The following XRCC3 variants were observed in gnomAD, a reference collection of about 807,000 sequenced individuals.
The protein encoded by XRCC3 is DNA repair protein XRCC3.
Under a neutral mutation model 29.2 loss-of-function variants are expected in XRCC3, and 34 were observed. The observed-to-expected ratio is 1.16, with a 90% CI of 0.88 to 1.55. The LOEUF is 1.55. XRCC3 is among the 40% of genes most tolerant of loss of function. The probability of loss-of-function intolerance (pLI) is 0.00; values close to 1 mark genes in which losing one functional copy is unlikely to be tolerated. For synonymous variants in XRCC3, 223 were observed against 211.3 expected (o/e 1.06, Z -0.48); for missense variants, 463 against 467.6 (o/e 0.99, Z 0.09).
At chr14:103,707,583 G>A in intron 5 of XRCC3, 2 of 392,222 alleles carry the variant, frequency 5.1e-6, no homozygotes, top group Non-Finnish European at 9.7e-6. Flanking sequence ...ATGCCCTGGG[G>A]TGCTGAACAG....
intron 5 of XRCC3, chr14:103,707,806 T>TGGCCTGG (rs1319431436): frequency 1.6e-5 from 3 of 188,932 alleles, no homozygotes; most frequent in Non-Finnish European, 3.3e-5. Flanking sequence ...GCTGCGCTCT[T>TGGCCTGG]GGCCTGGGGC....
At chr14:103,701,427 A>G (rs2083187551) in intron 7 of XRCC3, 1 of 470,970 alleles carries the variant, frequency 2.1e-6, no homozygotes, top group Non-Finnish European at 3.8e-6. Flanking sequence ...GGTCTCTCCC[A>G]GGAGACCTGG....
chr14:103,698,959 C>T lies in XRCC3; in HGVS notation c.880G>A (p.Val294Met), dbSNP rs1214132325. 1 of 1,601,004 alleles carries T rather than the reference C, an allele frequency of 6.2e-7. No individual in the cohort carries two copies. The highest frequency in any genetic ancestry group is 8.5e-7 in the Non-Finnish European group (1 of 1,173,996). The change falls in exon 10 of 10, where the codon GTG (valine) becomes ATG (methionine). Residue 294 changes from valine to methionine, a missense_variant. Val to Met is a conservative substitution (Grantham distance 21). Transcript: ENST00000555055. The stretch of plus-strand genomic sequence containing the variant: ...CGGAGCCGGTCAGCCAGCAGTCTCA[C>T]CAGGAGCTGGTTAGCCCAGGTTATG... ...LGITWANQLL[V>M]RLLADRLREE...
rs144660634 is a variant in XRCC3 at position 103,698,296 on chromosome 14, C to T, written c.*502G>A. On this transcript the variant is annotated 3_prime_UTR_variant, in exon 10 of 10. Transcript: ENST00000555055. Reference sequence around the variant, plus strand: ...GACCCAGAGGTGGGTGAGGAGGAGCCGCCTGCCTGCAGCCCCACTGTGGCC... The same window carrying T: ...GACCCAGAGGTGGGTGAGGAGGAGCTGCCTGCCTGCAGCCCCACTGTGGCC... 1.1e-4 allele frequency: 20 copies of T among 177,676 alleles called. No individual in the cohort carries two copies. The highest frequency in any genetic ancestry group is 1.8e-4 in the Non-Finnish European group (15 of 83,216). 11.0% of individuals were successfully genotyped at this position (177,676 alleles called of 1,614,324 possible). A position where few individuals can be genotyped will look rare whatever the true frequency, so the allele number is the denominator to read the frequency against.
intron 7 of XRCC3, 51 bp from the exon 8 acceptor site, chr14:103,699,627 G>A: frequency 6.3e-7 from 1 of 1,593,516 alleles, no homozygotes; most frequent in Non-Finnish European, 8.6e-7. Context: ...CCCCGCCCCA[G>A]GTGACCAGAC....
chr14:103,705,307 A>C (rs1406763597), intron 6 of XRCC3: 1 of 152,568 alleles, frequency 6.6e-6, no homozygotes, highest in Non-Finnish European at 1.5e-5. Flanking sequence ...CTGGGCTGGA[A>C]GGCTCGGAAG....
At chr14:103,708,780 A>G in intron 4 of XRCC3, 121 bp from the exon 5 acceptor site, 1 of 1,357,464 alleles carries the variant, frequency 7.4e-7, no homozygotes, top group South Asian at 1.2e-5. Flanking sequence ...TTCTGGGGAC[A>G]AGGTGGGTAG....
Position 103,699,013 on chromosome 14 carries a change from A to T in XRCC3, c.826T>A (p.Trp276Arg), listed in dbSNP as rs1345696802. 1.3e-6 allele frequency: 2 copies of T among 1,584,678 alleles called. No individual in the cohort carries two copies. Among genetic ancestry groups the T allele is most frequent in the Non-Finnish European group, 1.7e-6 (2 of 1,165,340 alleles). Residue 276 changes from tryptophan (W) to arginine (R), a missense_variant, in exon 10 of 10, where the codon TGG (tryptophan) becomes AGG (arginine). Physicochemically the swap from Trp to Arg is moderately radical, Grantham distance 101. Coordinates refer to ENST00000555055, the MANE Select transcript of XRCC3 (RefSeq NM_005432.4). ...AGGGCTGGGGAAACACGTTCGTCCC[A>T]GAACCTGAGAAACAGGAAGCAGGCA... is the stretch of plus-strand genomic sequence containing the variant. ...QGAAHGPLGF[W>R]DERVSPALGI...
In XRCC3 at chr14:103,699,427, G is replaced by A. The variant is rs138142727; in HGVS notation, c.711C>T (p.Ser237=). The change falls in exon 8 of 10, where the codon TCC becomes TCT. Residue 237 remains serine, a synonymous_variant. Transcript: ENST00000555055. ...ASAPRARHLQ[S]LGATLRELSS... ...TCAGCTCACGCAGCGTGGCCCCCAG[G>A]GACTGCAGATGCCTGGCCCTGGGGG... is the stretch of plus-strand genomic sequence containing the variant. 1.0e-4 allele frequency: 162 copies of A among 1,612,840 alleles called. No individual in the cohort carries two copies. In the African/African-American group the frequency reaches 1.6e-3, roughly 16 times the overall value.
intron 4 of XRCC3, chr14:103,709,605 G>A (rs941047307): frequency 1.3e-5 from 2 of 152,294 alleles, no homozygotes; most frequent in Admixed American, 6.5e-5. Flanking sequence ...GCGCCCCTGG[G>A]TTTCACCAGA....
rs769958215 is a variant in XRCC3, at chr14:103,707,047, C to G, written c.362G>C (p.Cys121Ser). The G allele has an allele frequency of 2.6e-6, 4 of 1,566,604 alleles. No individual in the cohort carries two copies. In the South Asian group the frequency reaches 3.5e-5, roughly 14 times the overall value. The change falls in exon 6 of 10, where the codon TGC (cysteine) becomes TCC (serine). Residue 121 changes from cysteine to serine, a missense_variant. Transcript: ENST00000555055. The part of the protein sequence containing the change: ...AGKTQLALQL[C>S]LAVQFPRQHG... ...CTGCCGCGGGAACTGCACAGCCAGG[C>G]AGAGCTGCAGCGCCAGCTGGGTCTT...
chr14:103,706,867 CAG>C (rs2083453662), intron 6 of XRCC3, 134 bp downstream of exon 6: 3 of 1,020,244 alleles, frequency 2.9e-6, no homozygotes, highest in East Asian at 2.6e-5. Context: ...CGAGGGCAAT[CAG>C]GGTGAGAAGG....
At chr14:103,700,627 GTGAAACTCGTCTGTGCTT>G (rs780760689) in intron 7 of XRCC3, 97 of 1,594,020 alleles carry the variant, frequency 6.1e-5, no homozygotes, top group Non-Finnish European at 7.6e-5. Context: ...CACGCCCTGA[GTGAAACTCGTCTGTGCTT>G]CATCTCCAGG....
intron 1 of XRCC3, among the ~76,000 whole-genome samples, chr14:103,714,578 A>C (rs2083741623): frequency 6.6e-6 from 1 of 151,926 alleles, no homozygotes; most frequent in Admixed American, 6.6e-5. Context: ...ACGCCACTGC[A>C]CTCCACCCCG....
chr14:103,701,493 C>T (rs2083191626), intron 7 of XRCC3: 2 of 408,754 alleles, frequency 4.9e-6, no homozygotes, highest in Middle Eastern at 6.1e-4. Context: ...ACGTTGTGTG[C>T]GATAACGTAT....
At chr14:103,700,372 T>G in intron 7 of XRCC3, 1 of 396,436 alleles carries the variant, frequency 2.5e-6, no homozygotes, top group Non-Finnish European at 4.5e-6. Flanking sequence ...GGCCTGTGGG[T>G]GCCAGAGCCA....
At chr14:103,700,296 G>C (rs2083051673) in intron 7 of XRCC3, 1 of 249,720 alleles carries the variant, frequency 4.0e-6, no homozygotes, top group Admixed American at 5.3e-5. Flanking sequence ...GCTCCCAGGA[G>C]AGCTTCCAGG....
intron 5 of XRCC3, chr14:103,707,755 A>C: frequency 4.9e-6 from 1 of 202,722 alleles, no homozygotes; most frequent in Non-Finnish European, 1.0e-5. Flanking sequence ...ACGACACCGA[A>C]GCCCCTCAGG....
Position 103,698,464 on chromosome 14 carries a change from A to C in XRCC3, c.*334T>G. The C allele has an allele frequency of 2.7e-6, 1 of 374,604 alleles. No individual in the cohort carries two copies. The allele number at this position is 374,604 out of a possible 1,614,324, so 23.2% of individuals were successfully genotyped here. The stretch of plus-strand genomic sequence containing the variant: ...CCAGTTGGGCTTCCATGTGGAGAGA[A>C]GAAGCAGGCGGCTCCCAGGGAGTCA... On this transcript the variant is annotated 3_prime_UTR_variant, in exon 10 of 10. Transcript: ENST00000555055.
Sources: allele counts gnomAD v4.1 joint callset (sites outside exome capture counted in the v4.1 genomes callset), GRCh38; gene constraint gnomAD v4.1.1; transcripts MANE v1.5; gene names NCBI Gene and HGNC (gene_info 2026-07-23, HGNC 2026-07-21).